The following IPCEF1 variants were observed in gnomAD, a reference collection of about 807,000 sequenced individuals.
IPCEF1 encodes interaction protein for cytohesin exchange factors 1.
A neutral mutation model predicts 50.9 loss-of-function variants in IPCEF1; 31 were observed. The observed-to-expected ratio is 0.61, with a 90% CI of 0.46 to 0.82. The LOEUF is 0.82. IPCEF1 is among the 40% of genes least tolerant of loss of function. IPCEF1 has a pLI of 0.00. For missense variants in IPCEF1, 458 were observed against 514.0 expected (o/e 0.89, Z 1.05); for synonymous variants, 181 against 192.0 (o/e 0.94, Z 0.47).
chr6:154,176,153 G>C (rs926628711), intron 10 of IPCEF1, among the ~76,000 whole-genome samples: 60 of 152,252 alleles, frequency 3.9e-4, no homozygotes, highest in African/African-American at 1.4e-3. Context: ...CAATAAACTA[G>C]GTATTGATGG....
At chr6:154,353,781 T>A (rs79691135) in intron 1 of IPCEF1, among the ~76,000 whole-genome samples, 1,696 of 152,336 alleles carry the variant, frequency 0.011, 31 homozygotes, top group African/African-American at 0.038. Context: ...CTGCAGTATT[T>A]TTACATAGTT....
intron 2 of IPCEF1, among the ~76,000 whole-genome samples, chr6:154,276,247 G>GAAAGAAAGAAAGAGAAA (rs1265830864): frequency 2.0e-5 from 2 of 99,866 alleles, no homozygotes; most frequent in African/African-American, 6.9e-5. Flanking sequence ...AAGAGAAAAG[G>GAAAGAAAGAAAGAGAAA]TGGGAGGGAG....
chr6:154,192,318 C>CTGTGTGTGTGTGTGTGTGTGTGTGTG (rs56231733), intron 10 of IPCEF1, among the ~76,000 whole-genome samples: 1 of 148,030 alleles, frequency 6.8e-6, no homozygotes, highest in African/African-American at 2.5e-5. Context: ...CACGTGGTTA[C>CTGTGTGTGTGTGTGTGTGTGTGTGTG]TGTGTGTGTG....
intron 9 of IPCEF1, among the ~76,000 whole-genome samples, chr6:154,203,398 C>G (rs1777231809): frequency 6.6e-6 from 1 of 152,148 alleles, no homozygotes; most frequent in Non-Finnish European, 1.5e-5. Context: ...ACACAGTTGT[C>G]CCTTGAACAG....
In IPCEF1 at chr6:154,328,425, C is replaced by T. The variant is rs974145545; in HGVS notation, c.-62+28247G>A. 7.2e-5 allele frequency among the ~76,000 whole-genome samples: 11 copies of T among 152,120 alleles called. No individual in the cohort carries two copies. In the East Asian group the frequency reaches 9.7e-4, roughly 13 times the overall value. On this transcript the variant is annotated intron_variant, in intron 1 of 11. Transcript: ENST00000367220. Reference sequence around the variant, plus strand: ...CTTGGAGATTTACAACACCTGTTAACGTATTAGCAGCCCTAAGAAGTTCTT... The same window carrying T: ...CTTGGAGATTTACAACACCTGTTAATGTATTAGCAGCCCTAAGAAGTTCTT...
At chr6:154,260,150 G>C (rs1298949358) in intron 3 of IPCEF1, among the ~76,000 whole-genome samples, 1 of 152,158 alleles carries the variant, frequency 6.6e-6, no homozygotes, top group Non-Finnish European at 1.5e-5. Flanking sequence ...AACACAGCAA[G>C]TACCAGTTTG....
rs544175938 is a variant in IPCEF1, at chr6:154,294,612, G to C, written c.-61-4856C>G. Among the ~76,000 whole-genome samples the C allele has an allele frequency of 3.3e-5, 5 of 152,138 alleles. 1 individual carries two copies. The highest frequency in any genetic ancestry group is 1.2e-4 in the African/African-American group (5 of 41,506). ...AGAGCGGAGGATTCTGGCTTCCCCT[G>C]TTCTGGGGTGGTAACTGGGAATTCA... On this transcript the variant is annotated intron_variant, in intron 1 of 11. Transcript: ENST00000367220.
At position 154,212,795 on chromosome 6, in the gene IPCEF1, G is replaced by C; in HGVS notation, c.512C>G (p.Pro171Arg). The C allele has an allele frequency of 6.2e-7, 1 of 1,613,188 alleles. No homozygotes were observed. The highest frequency in any genetic ancestry group is 2.2e-5 in the East Asian group (1 of 44,886). Residue 171 changes from proline to arginine, a missense_variant, in exon 9 of 12, where the codon CCT becomes CGT. Coordinates refer to ENST00000367220, the MANE Select transcript of IPCEF1 (RefSeq NM_001130700.2). ...PEIAAETPPP[P>R]HASQTQSLTA... ...CAAAGACTGAGTCTGGGAAGCGTGA[G>C]GAGGGGGTGGTGTCTCCGCAGCTAT...
intron 10 of IPCEF1, among the ~76,000 whole-genome samples, chr6:154,182,040 CTTAAAA>C (rs1283657276): frequency 6.6e-6 from 1 of 151,952 alleles, no homozygotes; most frequent in Non-Finnish European, 1.5e-5. Flanking sequence ...TATCCCAGAA[CTTAAAA>C]TTAAATTAAA....
At position 154,158,753 on chromosome 6, in the gene IPCEF1, AT is replaced by A. The variant is rs1583667931; in HGVS notation, c.*1074del. 1 of 152,350 alleles carries A rather than the reference AT, an allele frequency of 6.6e-6. No individual in the cohort carries two copies. The highest frequency in any genetic ancestry group is 1.9e-4 in the East Asian group (1 of 5,192). The allele number at this position is 152,350 out of a possible 1,614,324, so 9.4% of individuals were successfully genotyped here. A position where few individuals can be genotyped will look rare whatever the true frequency, so the allele number is the denominator to read the frequency against. On this transcript the variant is annotated 3_prime_UTR_variant, in exon 12 of 12. Transcript: ENST00000367220. Reference sequence around the variant, plus strand: ...ATCAAATATATACTAAGCACAATATATAATAGTATATCATCTTTTAAACACT... The same window carrying A: ...ATCAAATATATACTAAGCACAATATAAATAGTATATCATCTTTTAAACACT...
chr6:154,285,825 C>G (rs1782346536), intron 2 of IPCEF1, among the ~76,000 whole-genome samples: 1 of 152,244 alleles, frequency 6.6e-6, no homozygotes, highest in East Asian at 1.9e-4. Flanking sequence ...GGTGTGAGAC[C>G]TGGCCCCACA....
chr6:154,266,109 A>G, intron 2 of IPCEF1, 145 bp from the exon 3 acceptor site: 1 of 590,254 alleles, frequency 1.7e-6, no homozygotes, highest in Non-Finnish European at 2.9e-6. Flanking sequence ...CCTTTCGGCC[A>G]GGCATGGTGG....
intron 5 of IPCEF1, among the ~76,000 whole-genome samples, chr6:154,224,845 T>C (rs1779133556): frequency 2.0e-5 from 3 of 152,226 alleles, no homozygotes; most frequent in Admixed American, 6.5e-5. Flanking sequence ...ATTATATATA[T>C]GCAGCTTCTC....
Position 154,255,680 on chromosome 6 carries a change from T to G in IPCEF1, c.37-8192A>C, listed in dbSNP as rs1781443000. ...AGATTTGTGTTAGAGATGAGTGATT[T>G]TTCTTTCATATCTTAGCTCTTTTTT... On this transcript the variant is annotated intron_variant, in intron 3 of 11. Coordinates refer to ENST00000367220, the MANE Select transcript of IPCEF1 (RefSeq NM_001130700.2). Among the ~76,000 whole-genome samples the G allele has an allele frequency of 2.0e-5, 3 of 152,324 alleles. No individual in the cohort carries two copies. In the South Asian group the frequency reaches 6.2e-4, roughly 32 times the overall value.
intron 1 of IPCEF1, among the ~76,000 whole-genome samples, chr6:154,328,767 C>T (rs1260652165): frequency 1.3e-5 from 2 of 152,094 alleles, no homozygotes; most frequent in African/African-American, 2.4e-5. Flanking sequence ...AGAGCTCAGA[C>T]CAGATGAAGT....
intron 1 of IPCEF1, among the ~76,000 whole-genome samples, chr6:154,351,426 C>T (rs992280206): frequency 3.9e-5 from 6 of 152,088 alleles, no homozygotes; most frequent in Non-Finnish European, 7.3e-5. Flanking sequence ...AAGACAATCA[C>T]GGATGTGCAA....
chr6:154,205,459 G>A (rs1158476910), intron 9 of IPCEF1, among the ~76,000 whole-genome samples: 1 of 152,104 alleles, frequency 6.6e-6, no homozygotes, highest in Non-Finnish European at 1.5e-5. Context: ...GCTGGGCGTG[G>A]TGGTGCAAGC....
chr6:154,226,759 T>C (rs1470079969), intron 5 of IPCEF1, among the ~76,000 whole-genome samples: 1 of 152,182 alleles, frequency 6.6e-6, no homozygotes, highest in Non-Finnish European at 1.5e-5. Context: ...CTGCATGGTG[T>C]CCAGCTGCCC....
At chr6:154,269,552 T>G (rs1781852194) in intron 2 of IPCEF1, among the ~76,000 whole-genome samples, 1 of 152,192 alleles carries the variant, frequency 6.6e-6, no homozygotes, top group African/African-American at 2.4e-5. Context: ...CCCAGGCTGG[T>G]CTCAAACTCC....
Sources: allele counts gnomAD v4.1 joint callset (sites outside exome capture counted in the v4.1 genomes callset), GRCh38; gene constraint gnomAD v4.1.1; transcripts MANE v1.5; gene names NCBI Gene and HGNC (gene_info 2026-07-23, HGNC 2026-07-21).